Variants in ASTN2 observed in about 807,000 individuals in gnomAD.
ASTN2 encodes astrotactin 2, also known as astrotactin-2.
A neutral mutation model predicts 139.8 loss-of-function variants in ASTN2; 54 were observed. The ratio of observed to expected loss-of-function variants is 0.39; its 90% CI spans 0.31 to 0.48. ASTN2 has a LOEUF of 0.48. Ranked by LOEUF, ASTN2 falls within the 20% of genes least tolerant of loss-of-function variation. The probability of loss-of-function intolerance (pLI) is 0.95; values close to 1 mark genes in which losing one functional copy is unlikely to be tolerated. For synonymous variants in ASTN2, 756 were observed against 719.5 expected, an observed-to-expected ratio of 1.05 and a Z score of -0.81; for missense variants, 1,565 against 1,725.1, an observed-to-expected ratio of 0.91 and a Z score of 1.64.
chr9:117,129,104 G>A (rs1412229801), intron 4 of ASTN2, among the ~76,000 whole-genome samples: 1 of 152,256 alleles, frequency 6.6e-6, no homozygotes, highest in African/African-American at 2.4e-5. Context: ...CATGGAATTG[G>A]TTAGGTCAGA....
In ASTN2 at chr9:116,697,988, G is replaced by A. The variant is rs1418790890; in HGVS notation, c.2806+27783C>T. 6.2e-7 allele frequency: 1 copy of A among 1,614,208 alleles called. No individual in the cohort carries two copies. ...CCCAGCTGACAGACAATCTGACAGT[G>A]CTAAAGATCATTGATACAGCTGGGC... On this transcript the variant is annotated intron_variant, in intron 16 of 22. Transcript: ENST00000313400.
At chr9:116,812,066 T>A (rs1831181426) in intron 12 of ASTN2, among the ~76,000 whole-genome samples, 1 of 152,242 alleles carries the variant, frequency 6.6e-6, no homozygotes, top group Admixed American at 6.5e-5. Flanking sequence ...TATTTGTGTG[T>A]GTGTCTCTGA....
intron 16 of ASTN2, among the ~76,000 whole-genome samples, chr9:116,672,263 G>A (rs1277907962): frequency 6.6e-6 from 1 of 151,818 alleles, no homozygotes; most frequent in African/African-American, 2.4e-5. Context: ...CTACTTGGGG[G>A]ACTGAGGTGG....
chr9:117,098,517 T>C (rs930489202), intron 4 of ASTN2, among the ~76,000 whole-genome samples: 1 of 152,132 alleles, frequency 6.6e-6, no homozygotes, highest in African/African-American at 2.4e-5. Flanking sequence ...CATTTGATCT[T>C]TGTCCCAAAA....
At chr9:117,177,915 A>G (rs900465105) in intron 3 of ASTN2, among the ~76,000 whole-genome samples, 12 of 152,054 alleles carry the variant, frequency 7.9e-5, no homozygotes, top group African/African-American at 2.7e-4. Context: ...TCCACACTCT[A>G]CAAGGGCTTC....
intron 5 of ASTN2, among the ~76,000 whole-genome samples, chr9:117,065,113 A>C (rs1408308897): frequency 6.6e-6 from 1 of 152,174 alleles, no homozygotes; most frequent in Non-Finnish European, 1.5e-5. Context: ...AGCAATGCAC[A>C]TACAGGACTA....
intron 6 of ASTN2, among the ~76,000 whole-genome samples, chr9:117,025,401 A>G (rs1838036787): frequency 6.6e-6 from 1 of 151,996 alleles, no homozygotes; most frequent in Non-Finnish European, 1.5e-5. Context: ...TTGATTCCAC[A>G]TTTCAAGTGT....
rs139266199 is a variant in ASTN2 at position 117,118,975 on chromosome 9, A to T, written c.1168+22351T>A. Among the ~76,000 whole-genome samples, 367 of 152,280 alleles carry T rather than the reference A, an allele frequency of 2.4e-3. 2 individuals carry two copies. The highest frequency in any genetic ancestry group is 8.1e-3 in the African/African-American group (335 of 41,562). Reference sequence around the variant, plus strand: ...ATTTATTGCTTTCTGAGATGATGTCATATCTACGTTTATTGCCTCTCTCTT... The same window carrying T: ...ATTTATTGCTTTCTGAGATGATGTCTTATCTACGTTTATTGCCTCTCTCTT... On this transcript the variant is annotated intron_variant, in intron 4 of 22. Transcript: ENST00000313400.
At chr9:117,150,282 A>G (rs1830297754) in intron 3 of ASTN2, among the ~76,000 whole-genome samples, 1 of 152,208 alleles carries the variant, frequency 6.6e-6, no homozygotes, top group Admixed American at 6.5e-5. Flanking sequence ...TGCAATAAAT[A>G]CAATTGCATT....
At chr9:116,476,199 CCT>C in intron 20 of ASTN2, among the ~76,000 whole-genome samples, 2 of 152,288 alleles carry the variant, frequency 1.3e-5, no homozygotes, top group Middle Eastern at 6.8e-3. Flanking sequence ...CTAATCTCAG[CCT>C]CTGTCTTCAC....
At chr9:117,000,096 A>T (rs1404423307) in intron 7 of ASTN2, among the ~76,000 whole-genome samples, 2 of 152,246 alleles carry the variant, frequency 1.3e-5, no homozygotes, top group African/African-American at 4.8e-5. Context: ...GACTGAATAA[A>T]TGATTATAGA....
intron 20 of ASTN2, among the ~76,000 whole-genome samples, chr9:116,464,711 C>T (rs73655123): frequency 0.018 from 2,691 of 152,200 alleles, 93 homozygotes; most frequent in African/African-American, 0.063. Context: ...CTCCAGAGAG[C>T]CTTTGTACTG....
chr9:116,749,127 G>C, intron 13 of ASTN2, among the ~76,000 whole-genome samples: 1 of 152,070 alleles, frequency 6.6e-6, no homozygotes, highest in East Asian at 1.9e-4. Flanking sequence ...AATCATCCTT[G>C]CCTCACATAC....
intron 2 of ASTN2, among the ~76,000 whole-genome samples, chr9:117,249,377 T>C (rs1467876992): frequency 6.6e-6 from 1 of 152,184 alleles, no homozygotes; most frequent in East Asian, 1.9e-4. Flanking sequence ...CCTTCCTCAA[T>C]TGAGTACTTA....
intron 10 of ASTN2, among the ~76,000 whole-genome samples, chr9:116,915,076 C>CT (rs1241824229): frequency 2.6e-5 from 4 of 152,206 alleles, no homozygotes; most frequent in African/African-American, 9.6e-5. Flanking sequence ...TCTTTGCAAA[C>CT]TTTTCTTAGG....
chr9:117,161,439 G>T lies in ASTN2; in HGVS notation c.1016-19961C>A, dbSNP rs539866320. ...GACAGGGTCTCACTCTGTCACCCAG[G>T]CTAGAGTGCAGTGGTGCAATCTCGG... On this transcript the variant is annotated intron_variant, in intron 3 of 22. Coordinates refer to ENST00000313400, the MANE Select transcript of ASTN2 (RefSeq NM_001365068.1). Among the ~76,000 whole-genome samples the T allele has an allele frequency of 2.4e-3, 372 of 152,068 alleles. 1 individual carries two copies. The highest frequency in any genetic ancestry group is 0.01 in the Middle Eastern group (3 of 294).
chr9:116,818,806 C>A (rs115737014), intron 12 of ASTN2, among the ~76,000 whole-genome samples: 16 of 152,098 alleles, frequency 1.1e-4, no homozygotes, highest in Non-Finnish European at 2.4e-4. Context: ...TTACTATTAT[C>A]CCTGTTTTAC....
At chr9:116,789,920 C>CTTTTTTTTTTTTTTTTTTTTTTTTTT (rs57433960) in intron 13 of ASTN2, among the ~76,000 whole-genome samples, 1 of 93,338 alleles carries the variant, frequency 1.1e-5, no homozygotes, top group Non-Finnish European at 2.1e-5. Context: ...TTCTCTTTCT[C>CTTTTTTTTTTTTTTTTTTTTTTTTTT]TTTTTTTTTT....
intron 1 of ASTN2, among the ~76,000 whole-genome samples, chr9:117,296,962 A>G (rs1363008783): frequency 6.6e-6 from 1 of 152,146 alleles, no homozygotes; most frequent in Admixed American, 6.5e-5. Context: ...GTGGCCACTG[A>G]TGCCTTTCAG....
Sources: allele counts gnomAD v4.1 joint callset (sites outside exome capture counted in the v4.1 genomes callset), GRCh38; gene constraint gnomAD v4.1.1; transcripts MANE v1.5; gene names NCBI Gene and HGNC (gene_info 2026-07-23, HGNC 2026-07-21).